Variants in BRINP1 observed in about 807,000 individuals in gnomAD.
BRINP1 encodes the protein BMP/retinoic acid inducible neural specific 1, also known as BMP/retinoic acid-inducible neural-specific protein 1.
BRINP1 carries 17 observed loss-of-function variants against 72.9 expected under a neutral mutation model. That is an observed-to-expected ratio of 0.23 (90% CI 0.16 to 0.35). BRINP1 has a LOEUF of 0.35. Ranked by LOEUF, BRINP1 falls within the 10% of genes least tolerant of loss-of-function variation. The probability of loss-of-function intolerance (pLI) is 1.00; values close to 1 mark genes in which losing one functional copy is unlikely to be tolerated. For synonymous variants in BRINP1, 418 were observed against 378.5 expected, an observed-to-expected ratio of 1.10 and a Z score of -1.21; for missense variants, 850 against 1,001.6, an observed-to-expected ratio of 0.85 and a Z score of 2.04.
At chr9:119,205,513 C>G (rs1246658034) in intron 7 of BRINP1, among the ~76,000 whole-genome samples, 1 of 152,176 alleles carries the variant, frequency 6.6e-6, no homozygotes, top group African/African-American at 2.4e-5. Context: ...ATGCAGACAC[C>G]TGCACTGAGC....
intron 1 of BRINP1, among the ~76,000 whole-genome samples, chr9:119,351,997 C>T (rs1315153358): frequency 1.6e-4 from 25 of 151,824 alleles, no homozygotes; most frequent in Admixed American, 1.6e-3. Context: ...GGGGTTTCAC[C>T]ATGTTGGCCA....
At chr9:119,320,571 A>C (rs1831176117) in intron 1 of BRINP1, among the ~76,000 whole-genome samples, 3 of 152,084 alleles carry the variant, frequency 2.0e-5, no homozygotes, top group African/African-American at 4.8e-5. Context: ...CAGAGGGCTG[A>C]GAGTGGAGGT....
chr9:119,233,979 T>C (rs537291789), intron 5 of BRINP1, among the ~76,000 whole-genome samples: 31 of 152,352 alleles, frequency 2.0e-4, no homozygotes, highest in African/African-American at 6.3e-4. Flanking sequence ...CAGTGGTTTA[T>C]TCTTTCTTAT....
chr9:119,282,925 G>A (rs866602482), intron 2 of BRINP1: 45 of 985,376 alleles, frequency 4.6e-5, no homozygotes, highest in Middle Eastern at 5.2e-4. Context: ...CTGGGAGGAA[G>A]GTAGGTTCTT....
chr9:119,242,050 G>A lies in BRINP1; in HGVS notation c.576C>T (p.Ile192=). Residue 192 remains isoleucine (I), a synonymous_variant, in exon 4 of 8, where the codon ATC becomes ATT. Coordinates refer to ENST00000265922, the MANE Select transcript of BRINP1 (RefSeq NM_014618.3). ...CAAATCCACCCCGGAGCTGTACCTT[G>A]ATTGCTCCAGTTGATATCTGGATCT... ...LHEIQISTGA[I]KVTETRTGPL... 2 of 1,613,670 alleles carry A rather than the reference G, an allele frequency of 1.2e-6. No homozygotes were observed. The highest frequency in any genetic ancestry group is 1.7e-6 in the Non-Finnish European group (2 of 1,179,922).
intron 5 of BRINP1, among the ~76,000 whole-genome samples, chr9:119,217,159 A>G (rs549290800): frequency 6.6e-6 from 1 of 152,326 alleles, no homozygotes; most frequent in Admixed American, 6.5e-5. Context: ...AAAGAGGCCC[A>G]GTGCTGAACT....
At chr9:119,236,391 C>G (rs922845751) in intron 5 of BRINP1, among the ~76,000 whole-genome samples, 2 of 151,992 alleles carry the variant, frequency 1.3e-5, no homozygotes, top group Non-Finnish European at 2.9e-5. Context: ...AAAATAAATT[C>G]AAAATTAGAT....
intron 7 of BRINP1, among the ~76,000 whole-genome samples, chr9:119,189,511 G>A (rs1292600548): frequency 6.6e-6 from 1 of 151,944 alleles, no homozygotes; most frequent in Non-Finnish European, 1.5e-5. Context: ...AGAGAACAGG[G>A]GTTGCTATGC....
At chr9:119,302,083 G>T (rs2118984616) in intron 2 of BRINP1, among the ~76,000 whole-genome samples, 1 of 152,322 alleles carries the variant, frequency 6.6e-6, no homozygotes, top group African/African-American at 2.4e-5. Context: ...CAAACTCACA[G>T]GTGCACAGCA....
rs370374711 is a variant in BRINP1 at position 119,259,818 on chromosome 9, T to C, written c.219-10668A>G. Among the ~76,000 whole-genome samples, 3 of 152,214 alleles carry C rather than the reference T, an allele frequency of 2.0e-5. No individual in the cohort carries two copies. In the East Asian group the frequency reaches 5.8e-4, roughly 29 times the overall value. The stretch of plus-strand genomic sequence containing the variant: ...CACAGCTGTCAGCACAAGAGCTGGT[T>C]TTAAAATCCAGGTCTCGCACACCAG... On this transcript the variant is annotated intron_variant, in intron 2 of 7. Coordinates refer to ENST00000265922, the MANE Select transcript of BRINP1 (RefSeq NM_014618.3).
At chr9:119,222,728 T>C (rs998288101) in intron 5 of BRINP1, among the ~76,000 whole-genome samples, 3 of 152,008 alleles carry the variant, frequency 2.0e-5, no homozygotes, top group Admixed American at 1.3e-4. Flanking sequence ...TTATACTGAT[T>C]AGAGGGGTTG....
At chr9:119,298,034 G>C (rs1370715631) in intron 2 of BRINP1, among the ~76,000 whole-genome samples, 13 of 152,154 alleles carry the variant, frequency 8.5e-5, no homozygotes, top group Admixed American at 8.5e-4. Flanking sequence ...ATTTGTCTGG[G>C]TCAACTATTC....
rs571339893 is a variant in BRINP1 at position 119,196,875 on chromosome 9, T to C, written c.1145+11844A>G. Among the ~76,000 whole-genome samples the C allele has an allele frequency of 4.6e-5, 7 of 152,350 alleles. No homozygotes were observed. In the South Asian group the frequency reaches 1.4e-3, roughly 32 times the overall value. ...AATTAATCCCACACTCTATTCTTCA[T>C]AGGTACGTATTGCTTTCTTGAATGG... On this transcript the variant is annotated intron_variant, in intron 7 of 7. Transcript: ENST00000265922.
intron 2 of BRINP1, among the ~76,000 whole-genome samples, chr9:119,294,782 G>A (rs1830857038): frequency 6.7e-6 from 1 of 149,388 alleles, no homozygotes; most frequent in South Asian, 2.1e-4. Context: ...CTTGAACCCA[G>A]GAGGTGGAGG....
chr9:119,192,823 T>C (rs1263272769), intron 7 of BRINP1, among the ~76,000 whole-genome samples: 1 of 152,070 alleles, frequency 6.6e-6, no homozygotes, highest in Admixed American at 6.6e-5. Context: ...TTATTCACAA[T>C]AGCCAAGATA....
chr9:119,182,913 C>T (rs1226533343), intron 7 of BRINP1, among the ~76,000 whole-genome samples: 1 of 152,164 alleles, frequency 6.6e-6, no homozygotes, highest in African/African-American at 2.4e-5. Flanking sequence ...CAATGAATCT[C>T]CACTTCATTC....
chr9:119,189,384 T>C (rs1266869314), intron 7 of BRINP1, among the ~76,000 whole-genome samples: 1 of 152,042 alleles, frequency 6.6e-6, no homozygotes, highest in African/African-American at 2.4e-5. Flanking sequence ...GCTGAGTAGA[T>C]TGACAAAAGA....
chr9:119,281,590 T>C (rs1046560947), intron 2 of BRINP1, among the ~76,000 whole-genome samples: 1 of 152,250 alleles, frequency 6.6e-6, no homozygotes, highest in Non-Finnish European at 1.5e-5. Context: ...TCAGGGAATA[T>C]GAAGGGTGTG....
At chr9:119,274,458 T>A (rs1056610017) in intron 2 of BRINP1, among the ~76,000 whole-genome samples, 3 of 152,210 alleles carry the variant, frequency 2.0e-5, no homozygotes, top group African/African-American at 7.2e-5. Context: ...AGAGAACCTT[T>A]GAAAGCCTTT....
Sources: allele counts gnomAD v4.1 joint callset (sites outside exome capture counted in the v4.1 genomes callset), GRCh38; gene constraint gnomAD v4.1.1; transcripts MANE v1.5; gene names NCBI Gene and HGNC (gene_info 2026-07-23, HGNC 2026-07-21).